Variants in PLXNC1 observed in about 807,000 individuals in gnomAD.
PLXNC1 encodes plexin-C1.
A neutral mutation model predicts 178.2 loss-of-function variants in PLXNC1; 75 were observed. That is an observed-to-expected ratio of 0.42 (90% CI 0.35 to 0.51). The LOEUF is 0.51. PLXNC1 is among the 20% of genes least tolerant of loss of function. The pLI, the probability that PLXNC1 is intolerant of heterozygous loss-of-function variation, is 0.02. For missense variants in PLXNC1, 1,503 were observed against 1,984.4 expected, an observed-to-expected ratio of 0.76 and a Z score of 4.61; for synonymous variants, 790 against 779.9, an observed-to-expected ratio of 1.01 and a Z score of -0.22.
chr12:94,273,388 A>C (rs1025918590), intron 21 of PLXNC1, among the ~76,000 whole-genome samples: 7 of 152,012 alleles, frequency 4.6e-5, no homozygotes, highest in African/African-American at 1.7e-4. Context: ...AGCCTGAGTG[A>C]GTGATTGAAG....
intron 21 of PLXNC1, among the ~76,000 whole-genome samples, chr12:94,275,523 CT>C (rs1965864607): frequency 6.6e-6 from 1 of 152,190 alleles, no homozygotes; most frequent in East Asian, 1.9e-4. Context: ...TGTTAAGAGG[CT>C]GACCCCAAGG....
chr12:94,190,407 T>A (rs549096560), intron 4 of PLXNC1, among the ~76,000 whole-genome samples: 1 of 151,940 alleles, frequency 6.6e-6, no homozygotes, highest in Non-Finnish European at 1.5e-5. Context: ...CATGCCCAGG[T>A]TTTTTTTGTA....
chr12:94,240,752 A>G, intron 11 of PLXNC1, 88 bp downstream of exon 11: 1 of 1,062,432 alleles, frequency 9.4e-7, no homozygotes, highest in Non-Finnish European at 1.4e-6. Context: ...AAATTCAGAA[A>G]CAGTGGTCAT....
intron 6 of PLXNC1, among the ~76,000 whole-genome samples, chr12:94,223,196 T>C: frequency 1.3e-5 from 2 of 152,142 alleles, no homozygotes. Context: ...GGCAGATCAC[T>C]TGAGGTCAGG....
At chr12:94,275,306 A>G (rs1300623175) in intron 21 of PLXNC1, among the ~76,000 whole-genome samples, 1 of 152,204 alleles carries the variant, frequency 6.6e-6, no homozygotes, top group Non-Finnish European at 1.5e-5. Context: ...CTAATACTAA[A>G]TAGGGCAGGA....
At chr12:94,266,900 G>A (rs148237761) in intron 21 of PLXNC1, among the ~76,000 whole-genome samples, 37 of 152,320 alleles carry the variant, frequency 2.4e-4, no homozygotes, top group Non-Finnish European at 1.0e-4. Flanking sequence ...ACCAGTGCCC[G>A]GGCTTTCCCT....
intron 9 of PLXNC1, among the ~76,000 whole-genome samples, chr12:94,228,960 G>GT (rs1182306607): frequency 2.6e-5 from 4 of 152,112 alleles, no homozygotes; most frequent in Non-Finnish European, 5.9e-5. Context: ...TCTCTTTTTG[G>GT]TTTTTTGAAG....
intron 4 of PLXNC1, among the ~76,000 whole-genome samples, chr12:94,192,004 A>G (rs879719759): frequency 1.3e-5 from 2 of 152,140 alleles, no homozygotes; most frequent in Non-Finnish European, 2.9e-5. Context: ...ATGGATTTCC[A>G]CAAAACTGGC....
Position 94,216,399 on chromosome 12 carries a change from G to A in PLXNC1, c.1555-3617G>A, listed in dbSNP as rs148112770. On this transcript the variant is annotated intron_variant, in intron 5 of 30. Coordinates refer to ENST00000258526, the MANE Select transcript of PLXNC1 (RefSeq NM_005761.3). Reference sequence around the variant, plus strand: ...CATCAATACACCAAAAAGTAAGTGGGCCAAAACACATATATTCTCACAAGA... The same window carrying A: ...CATCAATACACCAAAAAGTAAGTGGACCAAAACACATATATTCTCACAAGA... Among the ~76,000 whole-genome samples the A allele has an allele frequency of 3.8e-3, 573 of 152,172 alleles. 4 individuals carry two copies. Among genetic ancestry groups the A allele is most frequent in the African/African-American group, 0.013 (547 of 41,518 alleles).
At chr12:94,176,695 C>T (rs531974589) in intron 2 of PLXNC1, among the ~76,000 whole-genome samples, 4 of 152,100 alleles carry the variant, frequency 2.6e-5, no homozygotes, top group Non-Finnish European at 4.4e-5. Context: ...TCCAAGGCAA[C>T]CAATGATAGT....
chr12:94,285,184 C>T (rs775946583), intron 23 of PLXNC1, among the ~76,000 whole-genome samples: 2 of 152,154 alleles, frequency 1.3e-5, no homozygotes, highest in Non-Finnish European at 2.9e-5. Flanking sequence ...GGAGCAGCTT[C>T]CCAGCACACC....
At chr12:94,257,394 A>G (rs1438694042) in intron 17 of PLXNC1, among the ~76,000 whole-genome samples, 1 of 152,250 alleles carries the variant, frequency 6.6e-6, no homozygotes, top group Non-Finnish European at 1.5e-5. Flanking sequence ...CTTTGCATAA[A>G]GTAGGAGAAG....
intron 4 of PLXNC1, among the ~76,000 whole-genome samples, chr12:94,199,701 G>C (rs886230547): frequency 1.3e-5 from 2 of 152,184 alleles, no homozygotes; most frequent in Non-Finnish European, 2.9e-5. Context: ...AGTGCTAAGG[G>C]GCACCTCTCC....
At chr12:94,165,198 G>A in intron 1 of PLXNC1, among the ~76,000 whole-genome samples, 1 of 152,096 alleles carries the variant, frequency 6.6e-6, no homozygotes, top group East Asian at 1.9e-4. Flanking sequence ...CTGGACACAG[G>A]GGGCTGACTG....
chr12:94,183,556 G>GT (rs1484336153), intron 3 of PLXNC1, among the ~76,000 whole-genome samples: 1 of 152,244 alleles, frequency 6.6e-6, no homozygotes, highest in Non-Finnish European at 1.5e-5. Context: ...CCCACATGGA[G>GT]CTGATAAAAT....
chr12:94,172,465 T>C (rs1056919983), intron 2 of PLXNC1, among the ~76,000 whole-genome samples: 1 of 152,230 alleles, frequency 6.6e-6, no homozygotes, highest in African/African-American at 2.4e-5. Context: ...TCATGTTATT[T>C]AAATAATTTT....
At chr12:94,203,655 A>T (rs1322968945) in intron 4 of PLXNC1, among the ~76,000 whole-genome samples, 1 of 152,136 alleles carries the variant, frequency 6.6e-6, no homozygotes, top group Middle Eastern at 3.2e-3. Flanking sequence ...ACCTCTCTGC[A>T]CCTCCGTTTC....
At chr12:94,182,649 C>A (rs1192384457) in intron 3 of PLXNC1, among the ~76,000 whole-genome samples, 1 of 151,270 alleles carries the variant, frequency 6.6e-6, no homozygotes, top group Admixed American at 6.6e-5. Context: ...CGCTTGAAAC[C>A]AGGAGGTGGA....
intron 1 of PLXNC1, among the ~76,000 whole-genome samples, chr12:94,157,360 C>T (rs1961214368): frequency 6.6e-6 from 1 of 152,166 alleles, no homozygotes; most frequent in Non-Finnish European, 1.5e-5. Context: ...CTCCCTTCCC[C>T]AAACATGCAT....
Sources: gnomAD v4.1 joint callset for allele counts (sites outside exome capture counted in the v4.1 genomes callset) on GRCh38, gnomAD v4.1.1 for gene constraint, MANE v1.5 for transcripts, NCBI Gene and HGNC (gene_info 2026-07-23, HGNC 2026-07-21) for gene names.